CFAP299: variants seen among roughly 807,000 people sequenced by gnomAD.
The protein encoded by CFAP299 is cilia and flagella associated protein 299, also known as cilia- and flagella-associated protein 299.
In CFAP299, 21 loss-of-function variants were observed where a neutral mutation model predicts 27.0. The observed-to-expected ratio is 0.78, with a 90% CI of 0.55 to 1.12. The LOEUF (loss-of-function observed/expected upper bound fraction) is 1.12, where lower values mean the gene tolerates loss of function less well. CFAP299 is among the 50% of genes most tolerant of loss of function. CFAP299 has a pLI of 0.00. For missense variants in CFAP299, 310 were observed against 276.6 expected, an observed-to-expected ratio of 1.12 and a Z score of -0.86; for synonymous variants, 104 against 98.1, an observed-to-expected ratio of 1.06 and a Z score of -0.36.
chr4:80,618,047 T>C (rs1738385930), intron 3 of CFAP299, among the ~76,000 whole-genome samples: 1 of 152,074 alleles, frequency 6.6e-6, no homozygotes, highest in Non-Finnish European at 1.5e-5. Flanking sequence ...ATTTGTGATG[T>C]ATGGTCATTT....
chr4:80,530,490 A>T (rs941901818), intron 2 of CFAP299, among the ~76,000 whole-genome samples: 1 of 152,062 alleles, frequency 6.6e-6, no homozygotes, highest in Non-Finnish European at 1.5e-5. Flanking sequence ...TCATCTTTTC[A>T]TCTAAACAGT....
At chr4:80,468,240 G>A (rs1729807376) in intron 2 of CFAP299, among the ~76,000 whole-genome samples, 1 of 143,868 alleles carries the variant, frequency 7.0e-6, no homozygotes, top group African/African-American at 2.6e-5. Flanking sequence ...TTTTTTTTGA[G>A]ACAGAATCTT....
chr4:80,662,588 A>G (rs1471364713), intron 3 of CFAP299, among the ~76,000 whole-genome samples: 2 of 152,220 alleles, frequency 1.3e-5, no homozygotes, highest in Non-Finnish European at 2.9e-5. Context: ...GGGGTTCTAT[A>G]GTTAAGTAAG....
rs571594016 is a variant in CFAP299 at position 80,741,416 on chromosome 4, A to G, written c.334-128577A>G. 1.6e-4 allele frequency among the ~76,000 whole-genome samples: 25 copies of G among 152,066 alleles called. No homozygotes were observed. The East Asian group carries it at 4.9e-3, about 30-fold the overall frequency. ...TCAGCGGGTGATGAATGCTGCAAGG[A>G]CTGAGTCCCTCCCTTTAAGGTAGTG... On this transcript the variant is annotated intron_variant, in intron 3 of 5. Transcript: ENST00000358105.
intron 3 of CFAP299, among the ~76,000 whole-genome samples, chr4:80,592,660 A>G (rs930299995): frequency 6.6e-6 from 1 of 152,244 alleles, no homozygotes; most frequent in South Asian, 2.1e-4. Flanking sequence ...TAAAAGGGAT[A>G]TAACCACGAT....
At chr4:80,656,458 G>A (rs1740561695) in intron 3 of CFAP299, among the ~76,000 whole-genome samples, 1 of 151,922 alleles carries the variant, frequency 6.6e-6, no homozygotes, top group African/African-American at 2.4e-5. Flanking sequence ...TCCCACTTAT[G>A]AGTGAGAACA....
chr4:80,512,248 G>C (rs544001688), intron 2 of CFAP299, among the ~76,000 whole-genome samples: 2 of 151,460 alleles, frequency 1.3e-5, no homozygotes, highest in African/African-American at 4.9e-5. Context: ...GTGTGTGCAT[G>C]TGTGTGTGTA....
intron 3 of CFAP299, among the ~76,000 whole-genome samples, chr4:80,592,195 T>C (rs548442488): frequency 2.0e-5 from 3 of 152,206 alleles, no homozygotes; most frequent in African/African-American, 7.2e-5. Flanking sequence ...TGCAGTGATG[T>C]ACATAAGGGT....
chr4:80,799,186 TATATTTATATA>T (rs1162349138), intron 3 of CFAP299, among the ~76,000 whole-genome samples: 1 of 122,676 alleles, frequency 8.2e-6, no homozygotes, highest in African/African-American at 3.1e-5. Flanking sequence ...ATTGTATAAA[TATATTTATATA>T]ATATTTATAT....
intron 2 of CFAP299, among the ~76,000 whole-genome samples, chr4:80,412,032 C>T (rs1726745239): frequency 6.6e-6 from 1 of 152,076 alleles, no homozygotes; most frequent in African/African-American, 2.4e-5. Context: ...CATTAGGTCC[C>T]TTTTATGGAA....
At chr4:80,714,236 A>G (rs1722347187) in intron 3 of CFAP299, among the ~76,000 whole-genome samples, 2 of 152,094 alleles carry the variant, frequency 1.3e-5, no homozygotes, top group Admixed American at 6.6e-5. Context: ...AGTACAGAGG[A>G]AAAGAGAGAG....
At chr4:80,595,805 A>G (rs1350778688) in intron 3 of CFAP299, among the ~76,000 whole-genome samples, 2 of 152,162 alleles carry the variant, frequency 1.3e-5, no homozygotes, top group Non-Finnish European at 2.9e-5. Flanking sequence ...AATTATGGAC[A>G]TATTTTCTGG....
intron 3 of CFAP299, among the ~76,000 whole-genome samples, chr4:80,778,218 A>G (rs1202652951): frequency 1.3e-5 from 2 of 152,158 alleles, no homozygotes; most frequent in Non-Finnish European, 2.9e-5. Flanking sequence ...GACTGGTTCA[A>G]GACTTTCTAG....
rs58584559 is a variant in CFAP299, at chr4:80,926,269, A to G, written c.477-18541A>G. ...GAGAGATGGCTTCCAGGTTTGGAGG[A>G]GTTTGTGTGCTAAGCTACAGAGTGT... is the stretch of plus-strand genomic sequence containing the variant. On this transcript the variant is annotated intron_variant, in intron 4 of 5. Coordinates refer to ENST00000358105, the MANE Select transcript of CFAP299 (RefSeq NM_152770.3). 3.6e-3 allele frequency among the ~76,000 whole-genome samples: 548 copies of G among 152,080 alleles called. 2 individuals carry two copies. The highest frequency in any genetic ancestry group is 0.012 in the African/African-American group (514 of 41,522).
intron 3 of CFAP299, among the ~76,000 whole-genome samples, chr4:80,865,754 T>G (rs1732686056): frequency 6.6e-6 from 1 of 151,556 alleles, no homozygotes; most frequent in East Asian, 1.9e-4. Context: ...AAATGATGAG[T>G]TCGTGTCCTT....
At chr4:80,535,323 A>T (rs1733672613) in intron 2 of CFAP299, among the ~76,000 whole-genome samples, 1 of 151,858 alleles carries the variant, frequency 6.6e-6, no homozygotes, top group South Asian at 2.1e-4. Flanking sequence ...ATTTAATTTC[A>T]CACTAGAACT....
At chr4:80,387,700 G>A in intron 2 of CFAP299, 4 of 1,578,922 alleles carry the variant, frequency 2.5e-6, no homozygotes, top group South Asian at 2.2e-5. Flanking sequence ...ATGGCCACAT[G>A]CAATGCATTG....
intron 2 of CFAP299, among the ~76,000 whole-genome samples, chr4:80,397,077 G>A (rs914273171): frequency 2.7e-4 from 40 of 148,004 alleles, no homozygotes; most frequent in Admixed American, 4.2e-4. Flanking sequence ...TGGTCTATTC[G>A]GGGATTCAAC....
At chr4:80,651,290 ACT>A (rs33983931) in intron 3 of CFAP299, among the ~76,000 whole-genome samples, 6 of 138,382 alleles carry the variant, frequency 4.3e-5, no homozygotes, top group African/African-American at 1.4e-4. Context: ...TCTCTCTCTT[ACT>A]CTCTCTCTCT....
Sources: gnomAD v4.1 joint callset for allele counts (sites outside exome capture counted in the v4.1 genomes callset) on GRCh38, gnomAD v4.1.1 for gene constraint, MANE v1.5 for transcripts, NCBI Gene and HGNC (gene_info 2026-07-23, HGNC 2026-07-21) for gene names.